Variants in HSPA12A observed in about 807,000 individuals in gnomAD.
The protein encoded by HSPA12A is heat shock 70 kDa protein 12A.
HSPA12A carries 28 observed loss-of-function variants against 69.2 expected under a neutral mutation model. The observed-to-expected ratio is 0.40, with a 90% confidence interval of 0.30 to 0.55. HSPA12A has a LOEUF of 0.55. Ranked by LOEUF, HSPA12A falls within the 20% of genes least tolerant of loss-of-function variation. The pLI, the probability that HSPA12A is intolerant of heterozygous loss-of-function variation, is 0.38. For synonymous variants in HSPA12A, 345 were observed against 370.5 expected, an observed-to-expected ratio of 0.93 and a Z score of 0.79; for missense variants, 686 against 900.7, an observed-to-expected ratio of 0.76 and a Z score of 3.05.
intron 1 of HSPA12A, chr10:116,835,125 C>T: frequency 3.2e-6 from 2 of 627,170 alleles, no homozygotes; most frequent in Non-Finnish European, 4.4e-6. Flanking sequence ...TAAGAGGCAG[C>T]ACCCGGCAGG....
chr10:116,737,738 C>T (rs184689967), intron 1 of HSPA12A, among the ~76,000 whole-genome samples: 1 of 152,362 alleles, frequency 6.6e-6, no homozygotes, highest in Admixed American at 6.5e-5. Context: ...CCCCGCAGGA[C>T]ATCTGCGGCT....
At chr10:116,850,613 C>G (rs748192123), upstream of HSPA12A, among the ~76,000 whole-genome samples, 8 of 151,810 alleles carry the variant, frequency 5.3e-5, no homozygotes, top group Non-Finnish European at 1.0e-4. Context: ...TATGAAGAGG[C>G]AGATGTGCTG....
chr10:116,829,179 T>G (rs1845566233), intron 2 of HSPA12A: 1 of 152,192 alleles, frequency 6.6e-6, no homozygotes, highest in Admixed American at 6.5e-5. Flanking sequence ...CCCATGGTAG[T>G]GAATAAGTCT....
chr10:116,765,826 A>G (rs1844065341), intron 2 of HSPA12A, among the ~76,000 whole-genome samples: 1 of 152,214 alleles, frequency 6.6e-6, no homozygotes, highest in Non-Finnish European at 1.5e-5. Flanking sequence ...GTCTTGCCTT[A>G]GCGTAGACAA....
At chr10:116,775,195 G>A (rs1844308726) in intron 2 of HSPA12A, among the ~76,000 whole-genome samples, 1 of 152,326 alleles carries the variant, frequency 6.6e-6, no homozygotes, top group African/African-American at 2.4e-5. Context: ...CCTTATATCA[G>A]TTATCCCACC....
At chr10:116,701,924 A>C (rs1389669454) in intron 3 of HSPA12A, among the ~76,000 whole-genome samples, 2 of 152,150 alleles carry the variant, frequency 1.3e-5, no homozygotes, top group Non-Finnish European at 2.9e-5. Context: ...GCTGCTGTTC[A>C]TAAGGGCAAA....
rs554335634 is a variant in HSPA12A at position 116,771,074 on chromosome 10, G to T, written c.92-63789C>A. ...GGGCATTCTCAAGTGTGCTCAAGGG[G>T]CCTCAGTTTGCAAACCCTGGACTGT... On this transcript the variant is annotated intron_variant, in intron 2 of 12. Coordinates refer to the HSPA12A transcript ENST00000635765. 1.3e-4 allele frequency among the ~76,000 whole-genome samples: 20 copies of T among 152,238 alleles called. No individual in the cohort carries two copies. The South Asian group carries it at 4.1e-3, about 32-fold the overall frequency.
At chr10:116,718,720 G>A (rs563319350) in intron 1 of HSPA12A, among the ~76,000 whole-genome samples, 1 of 151,760 alleles carries the variant, frequency 6.6e-6, no homozygotes, top group South Asian at 2.1e-4. Flanking sequence ...CCCTTTTTTT[G>A]AATTTTTGCA....
intron 1 of HSPA12A, among the ~76,000 whole-genome samples, chr10:116,720,564 G>A (rs1338823703): frequency 6.6e-6 from 1 of 152,264 alleles, no homozygotes; most frequent in Non-Finnish European, 1.5e-5. Context: ...CTGCTGGGGT[G>A]CTGCAGGCTG....
intron 1 of HSPA12A, among the ~76,000 whole-genome samples, chr10:116,729,697 G>GA (rs1190798999): frequency 1.3e-5 from 2 of 151,872 alleles, no homozygotes; most frequent in Non-Finnish European, 2.9e-5. Flanking sequence ...TATATGTATT[G>GA]AAAAAAATCC....
intron 2 of HSPA12A, among the ~76,000 whole-genome samples, chr10:116,792,723 G>A (rs1844727241): frequency 6.6e-6 from 1 of 151,412 alleles, no homozygotes; most frequent in Non-Finnish European, 1.5e-5. Context: ...GGAAGTCAAA[G>A]CTACAGTGAG....
In HSPA12A at chr10:116,724,990, C is replaced by G. The variant is rs375641814; in HGVS notation, c.40+17440G>C. 3.3e-4 allele frequency among the ~76,000 whole-genome samples: 51 copies of G among 152,346 alleles called. No individual in the cohort carries two copies. In the South Asian group the frequency reaches 9.9e-3, roughly 30 times the overall value. On this transcript the variant is annotated intron_variant, in intron 1 of 11. Transcript: ENST00000369209. ...GGCTCTTTTTCTCAGCTCCGTCCCC[C>G]AGAGGAGGAACCAGAAGCTCTGGAG...
intron 2 of HSPA12A, among the ~76,000 whole-genome samples, chr10:116,824,105 A>T (rs939769711): frequency 1.3e-5 from 2 of 152,274 alleles, no homozygotes; most frequent in Non-Finnish European, 2.9e-5. Flanking sequence ...ACCTGAACAG[A>T]TATATCTACA....
chr10:116,845,309 A>G (rs1397894494), intron 1 of HSPA12A, among the ~76,000 whole-genome samples: 2 of 152,214 alleles, frequency 1.3e-5, no homozygotes, highest in Non-Finnish European at 2.9e-5. Context: ...TGTTAAAAGG[A>G]GACTTCATAT....
intron 2 of HSPA12A, among the ~76,000 whole-genome samples, chr10:116,798,807 T>C (rs1297526144): frequency 6.6e-6 from 1 of 152,204 alleles, no homozygotes; most frequent in Non-Finnish European, 1.5e-5. Context: ...GCCCACCTCT[T>C]TGAACTGGAA....
intron 2 of HSPA12A, among the ~76,000 whole-genome samples, chr10:116,811,323 G>T (rs1008436806): frequency 1.3e-5 from 2 of 152,084 alleles, no homozygotes; most frequent in South Asian, 2.1e-4. Context: ...AGCCTCAAGG[G>T]CTTCACATCC....
chr10:116,822,798 G>C (rs1009179230), intron 2 of HSPA12A, among the ~76,000 whole-genome samples: 2 of 152,132 alleles, frequency 1.3e-5, no homozygotes, highest in African/African-American at 4.8e-5. Context: ...CATGACTCAG[G>C]GTCAGAATCA....
rs1386640294 is a variant in HSPA12A at position 116,672,878 on chromosome 10, G to A, written c.*1903C>T. ...CCTGGATACACAATCCTGCTACTAA[G>A]TTATGTGACTAACCAGCACACTCTA... is the stretch of plus-strand genomic sequence containing the variant. On this transcript the variant is annotated 3_prime_UTR_variant, in exon 12 of 12. Coordinates refer to ENST00000369209, the MANE Select transcript of HSPA12A (RefSeq NM_025015.3). 1 of 152,632 alleles carries A rather than the reference G, an allele frequency of 6.6e-6. No individual in the cohort carries two copies. The highest frequency in any genetic ancestry group is 6.5e-5 in the Admixed American group (1 of 15,284). 9.5% of individuals were successfully genotyped at this position (152,632 alleles called of 1,614,324 possible). A position where few individuals can be genotyped will look rare whatever the true frequency, so the allele number is the denominator to read the frequency against.
At chr10:116,790,132 C>T (rs187291720) in intron 2 of HSPA12A, among the ~76,000 whole-genome samples, 5,439 of 125,076 alleles carry the variant, frequency 0.043, 300 homozygotes, top group African/African-American at 0.13. Flanking sequence ...GACAGAGTCT[C>T]GCTCTGTCGC....
Sources: gnomAD v4.1 joint callset for allele counts (sites outside exome capture counted in the v4.1 genomes callset) on GRCh38, gnomAD v4.1.1 for gene constraint, MANE v1.5 for transcripts, NCBI Gene and HGNC (gene_info 2026-07-23, HGNC 2026-07-21) for gene names.